TTC27: variants seen among roughly 807,000 people sequenced by gnomAD.
TTC27 encodes tetratricopeptide repeat domain 27, also known as tetratricopeptide repeat protein 27.
In TTC27, 79 loss-of-function variants were observed where a neutral mutation model predicts 115.9. The ratio of observed to expected loss-of-function variants is 0.68; its 90% CI spans 0.57 to 0.82. The LOEUF is 0.82. TTC27 is among the 40% of genes least tolerant of loss of function. The probability of loss-of-function intolerance (pLI) is 0.00; values close to 1 mark genes in which losing one functional copy is unlikely to be tolerated. For synonymous variants in TTC27, 401 were observed against 356.0 expected (o/e 1.13, Z -1.42); for missense variants, 1,054 against 993.1 (o/e 1.06, Z -0.82).
chr2:32,779,016 G>A (rs981548559), intron 14 of TTC27, among the ~76,000 whole-genome samples: 1 of 152,188 alleles, frequency 6.6e-6, no homozygotes, highest in Non-Finnish European at 1.5e-5. Flanking sequence ...TTGTGGCCAG[G>A]AGTTCAAGAC....
intron 14 of TTC27, 78 bp from the exon 15 acceptor site, chr2:32,782,548 G>A (rs1369152408): frequency 1.6e-6 from 2 of 1,250,902 alleles, no homozygotes; most frequent in African/African-American, 1.5e-5. Flanking sequence ...GACTAGGAGA[G>A]TGTGTTGTAC....
chr2:32,724,435 G>C (rs567549525), intron 10 of TTC27, among the ~76,000 whole-genome samples: 1 of 152,236 alleles, frequency 6.6e-6, no homozygotes, highest in Non-Finnish European at 1.5e-5. Context: ...TGGGGCACCA[G>C]ACTATGGCTA....
At chr2:32,806,353 C>G (rs1233635568) in intron 16 of TTC27, among the ~76,000 whole-genome samples, 1 of 152,122 alleles carries the variant, frequency 6.6e-6, no homozygotes, top group Non-Finnish European at 1.5e-5. Context: ...ACACTCTTTA[C>G]TCCTTTTAAT....
intron 10 of TTC27, among the ~76,000 whole-genome samples, chr2:32,725,061 G>A (rs968131555): frequency 1.3e-5 from 2 of 152,138 alleles, no homozygotes; most frequent in Non-Finnish European, 2.9e-5. Context: ...GAACAGCACG[G>A]GAAAGAGTTG....
chr2:32,639,046 A>G (rs1212532322), intron 3 of TTC27, among the ~76,000 whole-genome samples: 2 of 151,576 alleles, frequency 1.3e-5, no homozygotes, highest in Admixed American at 1.3e-4. Context: ...GTTAGCCAGG[A>G]TGGTCTTGAT....
chr2:32,652,448 T>C (rs1041108699), intron 5 of TTC27, among the ~76,000 whole-genome samples: 1 of 152,136 alleles, frequency 6.6e-6, no homozygotes, highest in African/African-American at 2.4e-5. Context: ...TGGAGAGGAT[T>C]CTATTTTATG....
intron 16 of TTC27, among the ~76,000 whole-genome samples, chr2:32,795,219 T>C (rs1442977635): frequency 1.3e-5 from 2 of 151,672 alleles, no homozygotes; most frequent in African/African-American, 4.8e-5. Context: ...AGCAAATTGA[T>C]TCACTAGCAT....
At chr2:32,685,010 T>C (rs1321583091) in intron 9 of TTC27, among the ~76,000 whole-genome samples, 2 of 140,258 alleles carry the variant, frequency 1.4e-5, no homozygotes, top group African/African-American at 5.1e-5. Context: ...CTGCTTTGCC[T>C]TTTCCTTTTT....
chr2:32,791,739 G>A (rs220658), intron 16 of TTC27, among the ~76,000 whole-genome samples: 28,756 of 151,970 alleles, frequency 0.19, 2,774 homozygotes, highest in Admixed American at 0.25. Context: ...GCCAGGCATG[G>A]TGGGATGTGC....
At chr2:32,794,501 A>G (rs1051119234) in intron 16 of TTC27, among the ~76,000 whole-genome samples, 2 of 152,188 alleles carry the variant, frequency 1.3e-5, no homozygotes, top group Admixed American at 6.5e-5. Context: ...AACACAAGAA[A>G]TATTTCAAGT....
chr2:32,797,252 C>T (rs1015333618), intron 16 of TTC27, among the ~76,000 whole-genome samples: 6 of 151,876 alleles, frequency 4.0e-5, no homozygotes, highest in African/African-American at 1.2e-4. Flanking sequence ...TAGCTTACTG[C>T]CACTGCAGCT....
intron 13 of TTC27, among the ~76,000 whole-genome samples, chr2:32,772,688 A>G (rs1669868706): frequency 6.6e-6 from 1 of 152,212 alleles, no homozygotes; most frequent in African/African-American, 2.4e-5. Flanking sequence ...AGTGAATTTA[A>G]TGTATTTTTG....
chr2:32,793,156 G>A (rs1485758471), intron 16 of TTC27, among the ~76,000 whole-genome samples: 1 of 152,176 alleles, frequency 6.6e-6, no homozygotes, highest in African/African-American at 2.4e-5. Context: ...TGACTAAAAT[G>A]AAATCTGTCA....
chr2:32,632,770 A>T, intron 2 of TTC27, among the ~76,000 whole-genome samples: 1 of 151,792 alleles, frequency 6.6e-6, no homozygotes, highest in African/African-American at 2.4e-5. Context: ...TCAGAATGAA[A>T]CTCCAGGATT....
chr2:32,673,170 C>T (rs954121206), intron 8 of TTC27, among the ~76,000 whole-genome samples: 16 of 149,442 alleles, frequency 1.1e-4, no homozygotes, highest in Middle Eastern at 7.1e-3. Context: ...TTAGACTTTC[C>T]TTCAATTTGA....
chr2:32,760,874 C>T (rs1669412471), intron 13 of TTC27, among the ~76,000 whole-genome samples: 2 of 152,286 alleles, frequency 1.3e-5, no homozygotes, highest in South Asian at 2.1e-4. Context: ...CCTTCTGCCT[C>T]GCTGGCAGCT....
At chr2:32,690,382 C>A (rs758002466) in intron 9 of TTC27, among the ~76,000 whole-genome samples, 1 of 152,110 alleles carries the variant, frequency 6.6e-6, no homozygotes, top group Non-Finnish European at 1.5e-5. Flanking sequence ...GACTTGCCTT[C>A]ATGGAATTTT....
intron 9 of TTC27, among the ~76,000 whole-genome samples, chr2:32,680,391 T>G (rs544427927): frequency 2.6e-5 from 4 of 152,342 alleles, no homozygotes; most frequent in East Asian, 3.9e-4. Flanking sequence ...AAGCCTTTTT[T>G]GTTCTGGAGT....
chr2:32,655,875 G>A (rs890719646), intron 5 of TTC27, among the ~76,000 whole-genome samples: 2 of 152,086 alleles, frequency 1.3e-5, no homozygotes, highest in Admixed American at 6.6e-5. Context: ...CACTAGCCAT[G>A]TATGGCTACT....
Sources: allele counts gnomAD v4.1 joint callset (sites outside exome capture counted in the v4.1 genomes callset), GRCh38; gene constraint gnomAD v4.1.1; transcripts MANE v1.5; gene names NCBI Gene and HGNC (gene_info 2026-07-23, HGNC 2026-07-21).